The following SCAMP4 variants were observed in gnomAD, a reference collection of about 807,000 sequenced individuals.
SCAMP4 encodes the protein secretory carrier-associated membrane protein 4.
A neutral mutation model predicts 32.1 loss-of-function variants in SCAMP4; 19 were observed. That is an observed-to-expected ratio of 0.59 (90% CI 0.41 to 0.87). SCAMP4 has a LOEUF of 0.87. SCAMP4 is among the 40% of genes least tolerant of loss of function. The pLI is 0.00. For missense variants in SCAMP4, 302 were observed against 309.0 expected, an observed-to-expected ratio of 0.98 and a Z score of 0.17; for synonymous variants, 152 against 132.7, an observed-to-expected ratio of 1.15 and a Z score of -1.00.
chr19:1,905,717 C>CTTAT (rs1475022917), intron 1 of SCAMP4: 1 of 152,824 alleles, frequency 6.5e-6, no homozygotes, highest in Non-Finnish European at 1.5e-5. Flanking sequence ...CGTGTGCGCC[C>CTTAT]TTATGGTCGG....
chr19:1,907,153 C>T (rs1423253070), intron 1 of SCAMP4: 1 of 151,950 alleles, frequency 6.6e-6, no homozygotes, highest in African/African-American at 2.4e-5. Flanking sequence ...CGCCACTGCC[C>T]TCCAGCCTGG....
chr19:1,923,962 GTTGTTTGGACTGGT>G lies in SCAMP4; in HGVS notation c.514-145_514-132del. The G allele has an allele frequency of 1.1e-5, 3 of 282,280 alleles. 1 individual carries two copies. Among genetic ancestry groups the G allele is most frequent in the Non-Finnish European group, 2.3e-5 (3 of 129,706 alleles). 17.5% of individuals were successfully genotyped at this position (282,280 alleles called of 1,614,324 possible). ...TGTAGTAGAGACAGGGTTTCACCAT[GTTGTTTGGACTGGT>G]CTCGAACTCCAGAGCTCAGACAGTC... On this transcript the variant is annotated intron_variant, in intron 6 of 6. Transcript: ENST00000316097.
chr19:1,914,886 A>G, intron 1 of SCAMP4, 93 bp from the exon 2 acceptor site: 1 of 1,027,570 alleles, frequency 9.7e-7, no homozygotes, highest in Non-Finnish European at 1.5e-6. Context: ...AGCACAGGGC[A>G]CGATGAAGGG....
At chr19:1,922,069 G>C in intron 5 of SCAMP4, 1 of 985,448 alleles carries the variant, frequency 1.0e-6, no homozygotes, top group Non-Finnish European at 1.2e-6. Context: ...CGTCGTGCCT[G>C]CCTTTAAGTT....
intron 5 of SCAMP4, chr19:1,921,615 G>A: frequency 1.0e-6 from 1 of 985,476 alleles, no homozygotes; most frequent in Non-Finnish European, 1.2e-6. Context: ...GCGGCGGCAG[G>A]AGTCCTCAAA....
chr19:1,922,818 G>T, intron 5 of SCAMP4: 2 of 1,186,058 alleles, frequency 1.7e-6, no homozygotes, highest in Non-Finnish European at 1.0e-6. Context: ...TTGTGTTCAC[G>T]CGTCGAAGTT....
chr19:1,912,399 G>A, intron 1 of SCAMP4: 2 of 1,516,688 alleles, frequency 1.3e-6, no homozygotes, highest in Non-Finnish European at 1.8e-6. Context: ...GCCGGCCTCG[G>A]GCCCGCGCTC....
At chr19:1,919,977 T>C (rs1431145224) in intron 5 of SCAMP4, 1 of 199,192 alleles carries the variant, frequency 5.0e-6, no homozygotes, top group African/African-American at 2.4e-5. Flanking sequence ...ACCCAGCAAA[T>C]TTTTGTATTT....
chr19:1,912,234 G>C (rs1462282178), intron 1 of SCAMP4: 3 of 1,596,056 alleles, frequency 1.9e-6, no homozygotes, highest in South Asian at 2.3e-5. Context: ...GCTGGCCTAC[G>C]CCGCGCCCGT....
intron 6 of SCAMP4, among the ~76,000 whole-genome samples, 183 bp from the exon 7 acceptor site, chr19:1,923,920 CGGCCT>C (rs1568777259): frequency 4.1e-5 from 4 of 96,396 alleles, no homozygotes; most frequent in Non-Finnish European, 1.2e-4. Context: ...CCACCGTGCC[CGGCCT>C]ATTTTTTATA....
Position 1,914,992 on chromosome 19 carries a change from T to A in SCAMP4, c.-28T>A. 1 of 1,613,734 alleles carries A rather than the reference T, an allele frequency of 6.2e-7. No individual in the cohort carries two copies. Among genetic ancestry groups the A allele is most frequent in the South Asian group, 1.1e-5 (1 of 91,080 alleles). ...TCTTCCTTCCAGGCGGCTGCAGGCTTCAGCCTGCGCTGGTTGGTGAAACAG... is the reference window on the plus strand; with the variant it reads ...TCTTCCTTCCAGGCGGCTGCAGGCTACAGCCTGCGCTGGTTGGTGAAACAG... On this transcript the variant is annotated 5_prime_UTR_variant, in exon 2 of 7. Transcript: ENST00000316097.
chr19:1,923,430 C>T (rs890131573), intron 6 of SCAMP4, among the ~76,000 whole-genome samples: 5 of 152,132 alleles, frequency 3.3e-5, no homozygotes, highest in African/African-American at 1.2e-4. Flanking sequence ...GGCCGGGAGT[C>T]CAGACTCCAG....
Position 1,921,244 on chromosome 19 carries a change from C to T in SCAMP4, c.396-1826C>T, listed in dbSNP as rs966732076. 48 of 984,978 alleles carry T rather than the reference C, an allele frequency of 4.9e-5. 1 individual carries two copies. The highest frequency in any genetic ancestry group is 3.8e-4 in the African/African-American group (22 of 57,218). The allele number at this position is 984,978 out of a possible 1,614,324, so 61.0% of individuals were successfully genotyped here. On this transcript the variant is annotated intron_variant, in intron 5 of 6. Coordinates refer to ENST00000316097, the MANE Select transcript of SCAMP4 (RefSeq NM_079834.4). ...CTGTGCACTGCTGTGGGGCAAGAGG[C>T]GACAGCCCCGCTCTCCCTGCCCCGG... is the stretch of plus-strand genomic sequence containing the variant.
chr19:1,908,555 G>A lies in SCAMP4; in HGVS notation c.-42+3116G>A, dbSNP rs778095937. ...GGCAGTTCAGGATCACCCGGCTGGA[G>A]TCATTTTAAGATCATCTGCGGCTTA... On this transcript the variant is annotated intron_variant, in intron 1 of 6. Coordinates refer to ENST00000316097, the MANE Select transcript of SCAMP4 (RefSeq NM_079834.4). The surrounding 1 kb of genome is among the most constrained non-coding windows in gnomAD (Gnocchi z 4.2). 5.3e-5 allele frequency: 25 copies of A among 471,086 alleles called. 1 individual carries two copies. Among genetic ancestry groups the A allele is most frequent in the South Asian group, 3.9e-4 (25 of 64,578 alleles). 29.2% of individuals were successfully genotyped at this position (471,086 alleles called of 1,614,324 possible).
At chr19:1,909,570 C>G (rs1599234207) in intron 1 of SCAMP4, among the ~76,000 whole-genome samples, 1 of 151,924 alleles carries the variant, frequency 6.6e-6, no homozygotes, top group East Asian at 1.9e-4. Flanking sequence ...GCTGGGATGT[C>G]TTCACCTGTG....
chr19:1,917,013 A>G (rs2013754175), intron 2 of SCAMP4, among the ~76,000 whole-genome samples: 1 of 152,330 alleles, frequency 6.6e-6, no homozygotes, highest in East Asian at 1.9e-4. Flanking sequence ...TTAAAAAACA[A>G]TTTCGGCCGG....
chr19:1,912,561 G>GTGACCAGC, intron 1 of SCAMP4: 15 of 1,499,870 alleles, frequency 1.0e-5, no homozygotes, highest in Non-Finnish European at 1.2e-5. Context: ...GGACAAGCAG[G>GTGACCAGC]TGACCAGCGC....
At chr19:1,916,861 G>C (rs780724487) in intron 2 of SCAMP4, among the ~76,000 whole-genome samples, 1 of 152,196 alleles carries the variant, frequency 6.6e-6, no homozygotes, top group African/African-American at 2.4e-5. Context: ...GTGCGGACTC[G>C]GCCTGCTGAG....
In SCAMP4 at chr19:1,920,648, AG is replaced by A. The variant is rs2013890183; in HGVS notation, c.395+1660del. 1.4e-5 allele frequency: 14 copies of A among 985,404 alleles called. 1 individual carries two copies. In the South Asian group the frequency reaches 6.1e-4, roughly 43 times the overall value. 61.0% of individuals were successfully genotyped at this position (985,404 alleles called of 1,614,324 possible). On this transcript the variant is annotated intron_variant, in intron 5 of 6. Transcript: ENST00000316097. Reference sequence around the variant, plus strand: ...TTTGGGGTGCTTCCCCCTCCTGCAGAGGCTGTGGCTGCAGGTCAAGGCACTG... The same window carrying A: ...TTTGGGGTGCTTCCCCCTCCTGCAGAGCTGTGGCTGCAGGTCAAGGCACTG...
Sources: allele counts gnomAD v4.1 joint callset (sites outside exome capture counted in the v4.1 genomes callset), GRCh38; gene constraint gnomAD v4.1.1; non-coding constraint Gnocchi (gnomAD v3.1); transcripts MANE v1.5; gene names NCBI Gene and HGNC (gene_info 2026-07-23, HGNC 2026-07-21).